The following CERS6 variants were observed in gnomAD, a reference collection of about 807,000 sequenced individuals.
CERS6 encodes the protein LAG1 homolog, ceramide synthase 6.
CERS6 carries 26 observed loss-of-function variants against 56.8 expected under a neutral mutation model. That is an observed-to-expected ratio of 0.46 (90% CI 0.34 to 0.63). The LOEUF is 0.63. CERS6 is among the 30% of genes least tolerant of loss of function. The pLI is 0.01. For missense variants in CERS6, 415 were observed against 467.5 expected (o/e 0.89, Z 1.04); for synonymous variants, 164 against 173.3 (o/e 0.95, Z 0.42).
At chr2:168,764,159 T>A (rs1456227331) in intron 8 of CERS6, among the ~76,000 whole-genome samples, 1 of 152,162 alleles carries the variant, frequency 6.6e-6, no homozygotes, top group African/African-American at 2.4e-5. Flanking sequence ...TTTTTTATTT[T>A]TGAGATGGAG....
In CERS6 at chr2:168,602,266, A is replaced by G. The variant is rs992844946; in HGVS notation, c.408-28719A>G. ...TTAAAAATCAGTTTAGCAAAAATTA[A>G]GGAACATATAAGTATTTAAAAAATA... On this transcript the variant is annotated intron_variant, in intron 3 of 9. Transcript: ENST00000305747. Among the ~76,000 whole-genome samples, 121 of 152,352 alleles carry G rather than the reference A, an allele frequency of 7.9e-4. 2 individuals carry two copies. The highest frequency in any genetic ancestry group is 2.8e-3 in the African/African-American group (117 of 41,590).
At chr2:168,592,972 C>T (rs1163330224) in intron 3 of CERS6, among the ~76,000 whole-genome samples, 2 of 152,182 alleles carry the variant, frequency 1.3e-5, no homozygotes, top group Non-Finnish European at 2.9e-5. Flanking sequence ...GTTACTTCTG[C>T]AGAAGCTGTA....
chr2:168,541,088 A>G (rs973938377), intron 1 of CERS6, among the ~76,000 whole-genome samples: 2 of 148,578 alleles, frequency 1.3e-5, no homozygotes, highest in South Asian at 2.2e-4. Context: ...CAGAGATCAC[A>G]TGGCAAGAGA....
At chr2:168,565,152 G>C (rs747884148) in intron 3 of CERS6, among the ~76,000 whole-genome samples, 25 of 152,210 alleles carry the variant, frequency 1.6e-4, no homozygotes, top group Non-Finnish European at 3.4e-4. Context: ...AACATTTAGA[G>C]AACACCGTGA....
chr2:168,541,327 C>T (rs1204160722), intron 1 of CERS6, among the ~76,000 whole-genome samples: 2 of 152,150 alleles, frequency 1.3e-5, no homozygotes, highest in East Asian at 3.8e-4. Flanking sequence ...ATGTCTTTTA[C>T]CAGATTTTGG....
intron 2 of CERS6, among the ~76,000 whole-genome samples, chr2:168,559,741 A>ATATATATATATAATATATATATATAT (rs1695753249): frequency 8.5e-6 from 1 of 118,108 alleles, no homozygotes; most frequent in Non-Finnish European, 1.9e-5. Flanking sequence ...TATCATATAT[A>ATATATATATATAATATATATATATAT]TATATATATA....
intron 8 of CERS6, among the ~76,000 whole-genome samples, chr2:168,749,983 A>T (rs1231330216): frequency 6.6e-6 from 1 of 152,192 alleles, no homozygotes; most frequent in East Asian, 1.9e-4. Context: ...TTTATGCAGA[A>T]ATTTCTAGGG....
intron 3 of CERS6, among the ~76,000 whole-genome samples, chr2:168,578,475 A>C (rs990357651): frequency 6.6e-6 from 1 of 152,168 alleles, no homozygotes; most frequent in African/African-American, 2.4e-5. Flanking sequence ...AAGATGCTTA[A>C]GCTGCCACAT....
At chr2:168,462,254 G>A (rs964382896) in intron 1 of CERS6, among the ~76,000 whole-genome samples, 1 of 151,774 alleles carries the variant, frequency 6.6e-6, no homozygotes, top group African/African-American at 2.4e-5. Context: ...TCAGAATACT[G>A]GAGTTCCAGA....
At chr2:168,459,758 A>G (rs1185839922) in intron 1 of CERS6, among the ~76,000 whole-genome samples, 1 of 152,186 alleles carries the variant, frequency 6.6e-6, no homozygotes, top group African/African-American at 2.4e-5. Context: ...CATCTGTTTG[A>G]TGAATTTTCT....
At chr2:168,681,809 C>T (rs534069171) in intron 4 of CERS6, among the ~76,000 whole-genome samples, 1 of 152,150 alleles carries the variant, frequency 6.6e-6, no homozygotes, top group Non-Finnish European at 1.5e-5. Context: ...CTGCCCATCC[C>T]CTAGTAACCA....
chr2:168,517,614 A>G (rs547615108), intron 1 of CERS6, among the ~76,000 whole-genome samples: 17 of 152,218 alleles, frequency 1.1e-4, no homozygotes, highest in African/African-American at 3.4e-4. Context: ...TAAAAGGGCT[A>G]TTGAAGCCTT....
intron 3 of CERS6, among the ~76,000 whole-genome samples, chr2:168,614,848 T>C (rs915595725): frequency 2.0e-5 from 3 of 152,128 alleles, no homozygotes; most frequent in Non-Finnish European, 4.4e-5. Flanking sequence ...ATCCACTGCC[T>C]GATGCTCCCT....
intron 1 of CERS6, among the ~76,000 whole-genome samples, chr2:168,459,688 T>G (rs1365106023): frequency 1.3e-5 from 2 of 152,198 alleles, no homozygotes; most frequent in Non-Finnish European, 2.9e-5. Context: ...TGTATACCAT[T>G]ATATTATGTT....
intron 3 of CERS6, among the ~76,000 whole-genome samples, chr2:168,602,831 CA>C (rs1683967201): frequency 6.6e-6 from 1 of 152,238 alleles, no homozygotes; most frequent in Admixed American, 6.5e-5. Context: ...CCCAGCCTCT[CA>C]GTCCTGAACA....
At chr2:168,481,539 G>T (rs1407616790) in intron 1 of CERS6, among the ~76,000 whole-genome samples, 1 of 152,160 alleles carries the variant, frequency 6.6e-6, no homozygotes, top group Non-Finnish European at 1.5e-5. Flanking sequence ...AGCTGATTGG[G>T]GCTTCTAGGT....
At chr2:168,601,667 A>G (rs1458955089) in intron 3 of CERS6, among the ~76,000 whole-genome samples, 2 of 151,744 alleles carry the variant, frequency 1.3e-5, no homozygotes, top group African/African-American at 4.8e-5. Flanking sequence ...CTTCTGCCTC[A>G]GCCTCTCGAG....
intron 3 of CERS6, among the ~76,000 whole-genome samples, chr2:168,602,321 T>G (rs1018778790): frequency 1.3e-5 from 2 of 152,220 alleles, no homozygotes; most frequent in African/African-American, 4.8e-5. Context: ...TAAAGATACA[T>G]GAAATATTTG....
chr2:168,720,502 T>C (rs1487019307), intron 8 of CERS6, among the ~76,000 whole-genome samples: 3 of 152,160 alleles, frequency 2.0e-5, no homozygotes, highest in Non-Finnish European at 4.4e-5. Flanking sequence ...GTCTGCTGTT[T>C]GCTGCGTCCG....
Sources: gnomAD v4.1 joint callset for allele counts (sites outside exome capture counted in the v4.1 genomes callset) on GRCh38, gnomAD v4.1.1 for gene constraint, MANE v1.5 for transcripts, NCBI Gene and HGNC (gene_info 2026-07-23, HGNC 2026-07-21) for gene names.